Variants in WDR72 observed in about 807,000 individuals in gnomAD.
WDR72 encodes WD repeat-containing protein 72.
Under a neutral mutation model 124.2 loss-of-function variants are expected in WDR72, and 120 were observed. The observed-to-expected ratio is 0.97, with a 90% CI of 0.83 to 1.12. The LOEUF (loss-of-function observed/expected upper bound fraction) is 1.12, where lower values mean the gene tolerates loss of function less well. WDR72 is among the 50% of genes most tolerant of loss of function. WDR72 has a pLI of 0.00. For synonymous variants in WDR72, 452 were observed against 441.7 expected, an observed-to-expected ratio of 1.02 and a Z score of -0.29; for missense variants, 1,387 against 1,278.8, an observed-to-expected ratio of 1.08 and a Z score of -1.29.
At chr15:53,552,428 T>C (rs181623629) in intron 18 of WDR72, among the ~76,000 whole-genome samples, 33 of 152,264 alleles carry the variant, frequency 2.2e-4, no homozygotes, top group African/African-American at 7.9e-4. Context: ...ACTTTTTCTT[T>C]TACACGGGAT....
intron 18 of WDR72, among the ~76,000 whole-genome samples, chr15:53,590,993 G>A (rs1439620993): frequency 6.6e-6 from 1 of 151,958 alleles, no homozygotes; most frequent in East Asian, 1.9e-4. Context: ...TCTCATTCAT[G>A]CATTTCTTAG....
intron 13 of WDR72, among the ~76,000 whole-genome samples, chr15:53,683,468 T>A (rs1322620730): frequency 2.0e-5 from 3 of 152,134 alleles, no homozygotes; most frequent in Non-Finnish European, 2.9e-5. Flanking sequence ...ATGTAAAATC[T>A]TATGTATCCA....
At chr15:53,675,601 A>T (rs1488652313) in intron 13 of WDR72, among the ~76,000 whole-genome samples, 3 of 152,190 alleles carry the variant, frequency 2.0e-5, no homozygotes, top group African/African-American at 7.2e-5. Context: ...TGTTATTTTT[A>T]AATTTTAAAA....
At chr15:53,563,616 A>G (rs1894198567) in intron 18 of WDR72, among the ~76,000 whole-genome samples, 1 of 151,792 alleles carries the variant, frequency 6.6e-6, no homozygotes, top group Non-Finnish European at 1.5e-5. Context: ...GTTTGAGGTG[A>G]AGCTGTTTGC....
chr15:53,612,547 G>C (rs140538542), intron 16 of WDR72, among the ~76,000 whole-genome samples: 1 of 151,932 alleles, frequency 6.6e-6, no homozygotes, highest in Non-Finnish European at 1.5e-5. Flanking sequence ...CCTCAGACCT[G>C]CTTGTCATGC....
intron 13 of WDR72, among the ~76,000 whole-genome samples, chr15:53,675,573 AATTT>A (rs2016143721): frequency 6.6e-6 from 1 of 152,192 alleles, no homozygotes; most frequent in African/African-American, 2.4e-5. Flanking sequence ...GCATTATTTA[AATTT>A]ATTACACCAG....
At chr15:53,654,280 G>A (rs988417927) in intron 14 of WDR72, among the ~76,000 whole-genome samples, 15 of 152,072 alleles carry the variant, frequency 9.9e-5, no homozygotes, top group African/African-American at 3.1e-4. Flanking sequence ...CGAGACTTTC[G>A]TAGATTATAT....
chr15:53,670,766 G>A (rs1445065910), intron 13 of WDR72, among the ~76,000 whole-genome samples: 2 of 152,096 alleles, frequency 1.3e-5, no homozygotes, highest in African/African-American at 2.4e-5. Flanking sequence ...TAGAGGTTTC[G>A]GCACACAGTG....
At chr15:53,724,307 C>T (rs1300761343) in intron 2 of WDR72, among the ~76,000 whole-genome samples, 1 of 152,246 alleles carries the variant, frequency 6.6e-6, no homozygotes, top group African/African-American at 2.4e-5. Flanking sequence ...TTGCCACACA[C>T]ACAAAAAATG....
intron 17 of WDR72, among the ~76,000 whole-genome samples, chr15:53,603,669 A>G (rs767226941): frequency 2.6e-4 from 39 of 152,172 alleles, no homozygotes; most frequent in Admixed American, 2.5e-3. Flanking sequence ...TGCAAAAATC[A>G]TTAGCATTCC....
chr15:53,721,300 T>G (rs1328224188), intron 3 of WDR72, among the ~76,000 whole-genome samples: 1 of 152,196 alleles, frequency 6.6e-6, no homozygotes, highest in Non-Finnish European at 1.5e-5. Flanking sequence ...TGGAGTTAGA[T>G]CACTATGGGC....
intron 14 of WDR72, among the ~76,000 whole-genome samples, chr15:53,659,172 T>A (rs559303940): frequency 0.043 from 6,581 of 152,292 alleles, 219 homozygotes; most frequent in Admixed American, 0.08. Flanking sequence ...ATTCACACAT[T>A]AAGTAAGCTT....
chr15:53,538,187 A>C (rs1892864453), intron 18 of WDR72, among the ~76,000 whole-genome samples: 1 of 152,180 alleles, frequency 6.6e-6, no homozygotes, highest in Non-Finnish European at 1.5e-5. Flanking sequence ...CTTTTAGAGA[A>C]CTGATTTGGG....
chr15:53,569,759 G>GC (rs924901006), intron 18 of WDR72, among the ~76,000 whole-genome samples: 3 of 151,954 alleles, frequency 2.0e-5, no homozygotes, highest in African/African-American at 7.2e-5. Flanking sequence ...TCTTTATCAT[G>GC]CCCCCCTAGA....
intron 18 of WDR72, among the ~76,000 whole-genome samples, chr15:53,561,464 A>G (rs919922428): frequency 2.6e-5 from 4 of 151,828 alleles, no homozygotes; most frequent in African/African-American, 9.7e-5. Flanking sequence ...TCTACATAAA[A>G]TAAGTGCATA....
In WDR72 at chr15:53,634,548, T is replaced by G. The variant is rs555952187; in HGVS notation, c.1963-18305A>C. On this transcript the variant is annotated intron_variant, in intron 14 of 19. Coordinates refer to ENST00000360509, the MANE Select transcript of WDR72 (RefSeq NM_182758.4). ...TTTTAAGAAAGTCTACAAATTTGTT[T>G]TGGGCCCCATTCAAAGCTGTCCTGG... Among the ~76,000 whole-genome samples the G allele has an allele frequency of 5.3e-5, 8 of 152,340 alleles. No homozygotes were observed. The South Asian group carries it at 1.4e-3, about 28-fold the overall frequency.
chr15:53,711,576 G>A, intron 7 of WDR72, 95 bp from the exon 8 acceptor site: 3 of 1,323,278 alleles, frequency 2.3e-6, no homozygotes, highest in East Asian at 2.5e-5. Context: ...TAACAACATA[G>A]TAAGCGTTAA....
chr15:53,710,025 C>T (rs2017487864), intron 9 of WDR72, among the ~76,000 whole-genome samples: 1 of 152,146 alleles, frequency 6.6e-6, no homozygotes, highest in Non-Finnish European at 1.5e-5. Context: ...CTTTGGATAA[C>T]ACTACTGAAA....
chr15:53,638,356 G>C (rs2014703664), intron 14 of WDR72, among the ~76,000 whole-genome samples: 1 of 151,926 alleles, frequency 6.6e-6, no homozygotes, highest in Non-Finnish European at 1.5e-5. Flanking sequence ...AATCTAGCAG[G>C]GCTTTCATTT....
Sources: allele counts gnomAD v4.1 joint callset (sites outside exome capture counted in the v4.1 genomes callset), GRCh38; gene constraint gnomAD v4.1.1; transcripts MANE v1.5; gene names NCBI Gene and HGNC (gene_info 2026-07-23, HGNC 2026-07-21).